RBM28: variants seen among roughly 807,000 people sequenced by gnomAD.
RBM28 encodes RNA binding motif protein 28.
In RBM28, 78 loss-of-function variants were observed where a neutral mutation model predicts 98.3. The ratio of observed to expected loss-of-function variants is 0.79; its 90% CI spans 0.66 to 0.96. The LOEUF (loss-of-function observed/expected upper bound fraction) is 0.96, where lower values mean the gene tolerates loss of function less well. Ranked by LOEUF, RBM28 falls within the 40% of genes least tolerant of loss-of-function variation. The pLI, the probability that RBM28 is intolerant of heterozygous loss-of-function variation, is 0.00. For synonymous variants in RBM28, 306 were observed against 330.9 expected, an observed-to-expected ratio of 0.92 and a Z score of 0.82; for missense variants, 838 against 913.0, an observed-to-expected ratio of 0.92 and a Z score of 1.06.
At chr7:128,322,115 T>C (rs6467171) in intron 13 of RBM28, among the ~76,000 whole-genome samples, 147,084 of 151,940 alleles carry the variant, frequency 0.97, 71,382 homozygotes, top group East Asian at 1. Flanking sequence ...CTGTGATTAA[T>C]ATCTATGCCC....
intron 7 of RBM28, 80 bp from the exon 8 acceptor site, chr7:128,335,759 A>G: frequency 1.3e-5 from 21 of 1,613,394 alleles, no homozygotes; most frequent in Non-Finnish European, 1.8e-5. Context: ...CAATTCTGCA[A>G]TGATGCAGGC....
intron 15 of RBM28, 87 bp downstream of exon 15, chr7:128,317,870 T>G: frequency 6.4e-7 from 1 of 1,573,064 alleles, no homozygotes; most frequent in Non-Finnish European, 8.7e-7. Context: ...ACCCCTCAAA[T>G]GTCAGAGGAC....
intron 14 of RBM28, among the ~76,000 whole-genome samples, chr7:128,318,866 TGAA>T (rs1204040797): frequency 6.6e-6 from 1 of 152,110 alleles, no homozygotes; most frequent in Non-Finnish European, 1.5e-5. Flanking sequence ...AGGAAATTAT[TGAA>T]GAAGGAAAGG....
intron 6 of RBM28, 115 bp from the exon 7 acceptor site, chr7:128,336,157 A>G (rs1649510864): frequency 1.9e-6 from 2 of 1,057,980 alleles, no homozygotes; most frequent in Admixed American, 2.5e-5. Flanking sequence ...AGAATTTCGT[A>G]TATTTTTCTT....
At chr7:128,333,454 G>C (rs1405969205) in intron 8 of RBM28, 92 bp from the exon 9 acceptor site, 2 of 1,093,472 alleles carry the variant, frequency 1.8e-6, no homozygotes, top group African/African-American at 3.1e-5. Flanking sequence ...GATAAGCCTG[G>C]CGCAGTGGCT....
At chr7:128,319,078 C>T (rs1446330830) in intron 14 of RBM28, among the ~76,000 whole-genome samples, 2 of 152,114 alleles carry the variant, frequency 1.3e-5, no homozygotes, top group Admixed American at 6.5e-5. Context: ...TAGGATTTTT[C>T]GAGAAAACTG....
rs527252656 is a variant in RBM28, at chr7:128,323,837, C to G, written c.1340-246G>C. On this transcript the variant is annotated intron_variant, in intron 12 of 18. Coordinates refer to ENST00000223073, the MANE Select transcript of RBM28 (RefSeq NM_018077.3). ...TATTCCTCTTCTCCTTCTCTCCCCT[C>G]AAAGAATCTTCACGTACATGCCCAA... Among the ~76,000 whole-genome samples, 8 of 152,340 alleles carry G rather than the reference C, an allele frequency of 5.3e-5. No homozygotes were observed. In the South Asian group the frequency reaches 8.3e-4, roughly 16 times the overall value.
rs1259757762 is a variant in RBM28 at position 128,304,369 on chromosome 7, A to G, written c.*6428T>C. The G allele has an allele frequency of 6.6e-6, 1 of 152,210 alleles. No homozygotes were observed. Among genetic ancestry groups the G allele is most frequent in the African/African-American group, 2.4e-5 (1 of 41,452 alleles). 9.4% of individuals were successfully genotyped at this position (152,210 alleles called of 1,614,324 possible). A position where few individuals can be genotyped will look rare whatever the true frequency, so the allele number is the denominator to read the frequency against. ...CAGTCACTCATTTCATGGAATGGAT[A>G]TGGGCTGTTACTCAGTGAAAAGACA... is the stretch of plus-strand genomic sequence containing the variant. On this transcript the variant is annotated 3_prime_UTR_variant, in exon 19 of 19. Transcript: ENST00000223073.
intron 5 of RBM28, 131 bp from the exon 6 acceptor site, chr7:128,337,333 G>T: frequency 2.3e-6 from 2 of 881,298 alleles, no homozygotes; most frequent in South Asian, 1.4e-5. Context: ...GGGAATGCTG[G>T]TCTTAAAATA....
chr7:128,341,100 C>G (rs888959590), intron 1 of RBM28: 1 of 1,232,634 alleles, frequency 8.1e-7, no homozygotes, highest in Admixed American at 2.4e-5. Context: ...AAGGACAGAT[C>G]AAGAAGTCTG....
At chr7:128,311,626 G>T (rs1795987349) in intron 18 of RBM28, among the ~76,000 whole-genome samples, 1 of 152,080 alleles carries the variant, frequency 6.6e-6, no homozygotes, top group Non-Finnish European at 1.5e-5. Flanking sequence ...AGGGGCTTCT[G>T]CCAGCCTTAC....
At chr7:128,319,073 T>C (rs1016649129) in intron 14 of RBM28, among the ~76,000 whole-genome samples, 1 of 152,156 alleles carries the variant, frequency 6.6e-6, no homozygotes, top group African/African-American at 2.4e-5. Flanking sequence ...TATGGTAGGA[T>C]TTTTCGAGAA....
chr7:128,339,514 C>G, intron 2 of RBM28, 119 bp downstream of exon 2: 1 of 1,362,494 alleles, frequency 7.3e-7, no homozygotes, highest in South Asian at 1.2e-5. Flanking sequence ...TTTTGGAGAT[C>G]AAAAAGAAAT....
At chr7:128,313,902 A>T (rs1405779892) in intron 17 of RBM28, among the ~76,000 whole-genome samples, 1 of 151,916 alleles carries the variant, frequency 6.6e-6, no homozygotes, top group Non-Finnish European at 1.5e-5. Flanking sequence ...CTAGAAGATG[A>T]GCAGCTGCTG....
Position 128,333,363 on chromosome 7 carries a change from C to A in RBM28, c.947-1G>T. 6.3e-7 allele frequency: 1 copy of A among 1,591,930 alleles called. No individual in the cohort carries two copies. Among genetic ancestry groups the A allele is most frequent in the South Asian group, 1.1e-5 (1 of 90,550 alleles). ...TTCTTTTTGTTTGAGACTTGCACAG[C>A]TAAGGTAAAAAGAAAAACAACAAAC... On this transcript the variant is annotated splice_acceptor_variant, in intron 8 of 18. Coordinates refer to ENST00000223073, the MANE Select transcript of RBM28 (RefSeq NM_018077.3). LOFTEE classifies it high-confidence loss of function.
In RBM28 at chr7:128,310,931, C is replaced by T. The variant is rs772581730; in HGVS notation, c.2146G>A (p.Val716Ile). The T allele has an allele frequency of 1.2e-6, 2 of 1,611,972 alleles. No individual in the cohort carries two copies. The highest frequency in any genetic ancestry group is 4.5e-5 in the East Asian group (2 of 44,878). Residue 716 changes from valine to isoleucine, a missense_variant and splice_region_variant, in exon 19 of 19, where the codon GTA becomes ATA. By Grantham distance (29) the Val-to-Ile change is conservative. Coordinates refer to ENST00000223073, the MANE Select transcript of RBM28 (RefSeq NM_018077.3). ...QEKQQLSSEQVSRKKAKGNKT... is the reference protein window; with the variant it reads ...QEKQQLSSEQISRKKAKGNKT... ...TTTCCCTTAGCTTTTTTCCTAGATA[C>T]CTACAAATGAAAGGATTAGAAACAT... is the stretch of plus-strand genomic sequence containing the variant.
chr7:128,312,221 C>T (rs12538524), intron 18 of RBM28, among the ~76,000 whole-genome samples: 16,161 of 152,176 alleles, frequency 0.11, 1,137 homozygotes, highest in South Asian at 0.19. Context: ...GAGTTCAAGG[C>T]CAGCCTGGTC....
At position 128,303,880 on chromosome 7, in the gene RBM28, C is replaced by T. The variant is rs1220200597; in HGVS notation, c.*6917G>A. ...GAAGCTACCCATGAAAGGCCAAGGG[C>T]CTACAGCAAAGCTCCCATGACTGGA... On this transcript the variant is annotated 3_prime_UTR_variant, in exon 19 of 19. Transcript: ENST00000223073. 2 of 152,122 alleles carry T rather than the reference C, an allele frequency of 1.3e-5. No individual in the cohort carries two copies. Among genetic ancestry groups the T allele is most frequent in the East Asian group, 1.9e-4 (1 of 5,192 alleles). The allele number at this position is 152,122 out of a possible 1,614,324, so 9.4% of individuals were successfully genotyped here.
At chr7:128,334,282 C>T (rs73230657) in intron 8 of RBM28, among the ~76,000 whole-genome samples, 17,081 of 152,172 alleles carry the variant, frequency 0.11, 1,559 homozygotes, top group African/African-American at 0.25. Flanking sequence ...TGAGAAACTT[C>T]TACTTTGTGT....
Sources: gnomAD v4.1 joint callset for allele counts (sites outside exome capture counted in the v4.1 genomes callset) on GRCh38, gnomAD v4.1.1 for gene constraint, MANE v1.5 for transcripts, NCBI Gene and HGNC (gene_info 2026-07-23, HGNC 2026-07-21) for gene names.